The following LCOR variants were observed in gnomAD, a reference collection of about 807,000 sequenced individuals.
LCOR encodes ligand dependent nuclear receptor corepressor, also known as ligand-dependent corepressor.
A neutral mutation model predicts 64.4 loss-of-function variants in LCOR; 14 were observed. The ratio of observed to expected loss-of-function variants is 0.22; its 90% CI spans 0.14 to 0.34. The LOEUF (loss-of-function observed/expected upper bound fraction) is 0.34, where lower values mean the gene tolerates loss of function less well. Ranked by LOEUF, LCOR falls within the 10% of genes least tolerant of loss-of-function variation. The pLI, the probability that LCOR is intolerant of heterozygous loss-of-function variation, is 1.00. For synonymous variants in LCOR, 643 were observed against 642.5 expected (o/e 1.00, Z -0.01); for missense variants, 1,686 against 1,765.3 (o/e 0.96, Z 0.80).
chr10:96,955,243 A>T (rs1847749471), intron 7 of LCOR: 6 of 1,614,202 alleles, frequency 3.7e-6, no homozygotes, highest in Non-Finnish European at 5.1e-6. Context: ...AGCCGTATGA[A>T]GTTCAGGGGA....
intron 4 of LCOR, among the ~76,000 whole-genome samples, chr10:96,910,618 C>T (rs1198449017): frequency 6.6e-6 from 1 of 152,006 alleles, no homozygotes; most frequent in African/African-American, 2.4e-5. Context: ...GTATTATATC[C>T]GTTGGACTGA....
At chr10:96,935,414 A>G (rs1456651793) in intron 4 of LCOR, among the ~76,000 whole-genome samples, 1 of 151,674 alleles carries the variant, frequency 6.6e-6, no homozygotes, top group Non-Finnish European at 1.5e-5. Context: ...CTCCCAAAGT[A>G]CTGGAATTAT....
rs778403438 is a variant in LCOR at position 96,982,351 on chromosome 10, G to A, written c.1891G>A (p.Glu631Lys). 1 of 1,614,228 alleles carries A rather than the reference G, an allele frequency of 6.2e-7. No individual in the cohort carries two copies. Among genetic ancestry groups the A allele is most frequent in the South Asian group, 1.1e-5 (1 of 91,080 alleles). ...TCACCTTCCTGAAGAGGACCTGCCA[G>A]AAGGTGGCTCCACAGTCTCAGCTCC... The part of the protein sequence containing the change: ...PAHLPEEDLP[E>K]GGSTVSAPTA... The change falls in exon 8 of 8, where the codon GAA becomes AAA. Residue 631 changes from glutamate to lysine, a missense_variant. Physicochemically the swap from Glu to Lys is moderately conservative, Grantham distance 56. Coordinates refer to ENST00000421806, the MANE Select transcript of LCOR (RefSeq NM_001346516.2).
intron 2 of LCOR, among the ~76,000 whole-genome samples, chr10:96,857,068 AT>A (rs959226896): frequency 6.7e-6 from 1 of 149,074 alleles, no homozygotes; most frequent in African/African-American, 2.6e-5. Flanking sequence ...ATACTAAGAT[AT>A]TACTATAGAT....
At chr10:96,913,895 C>A in intron 4 of LCOR, among the ~76,000 whole-genome samples, 1 of 148,428 alleles carries the variant, frequency 6.7e-6, no homozygotes, top group South Asian at 2.1e-4. Context: ...CACACACAGA[C>A]TGTCTGGAAA....
In LCOR at chr10:96,983,629, G is replaced by C; in HGVS notation, c.3169G>C (p.Val1057Leu). The C allele has an allele frequency of 6.2e-7, 1 of 1,614,178 alleles. No individual in the cohort carries two copies. The highest frequency in any genetic ancestry group is 8.5e-7 in the Non-Finnish European group (1 of 1,180,032). ...TCTGGGCTCCTTGGATGCTTCAAAAGTGACTTCAGAAAAGGAAGCTGCACA... is the reference window on the plus strand; with the variant it reads ...TCTGGGCTCCTTGGATGCTTCAAAACTGACTTCAGAAAAGGAAGCTGCACA... ...HSLGSLDASK[V>L]TSEKEAAQVN... is the part of the protein sequence containing the mutation. The change falls in exon 8 of 8, where the codon GTG (valine) becomes CTG (leucine). Residue 1057 changes from valine (V) to leucine (L), a missense_variant. By Grantham distance (32) the Val-to-Leu change is conservative. Around this residue, in one of 3 missense-constraint regions of LCOR, gnomAD observed 1,293 missense variants for 1,410.4 expected, o/e 0.92. Coordinates refer to ENST00000421806, the MANE Select transcript of LCOR (RefSeq NM_001346516.2). This position sits in a 1 kb window ranked among gnomAD's most constrained non-coding sequence, Gnocchi z 4.5.
At chr10:96,890,331 A>G (rs991641407) in intron 2 of LCOR, among the ~76,000 whole-genome samples, 1 of 151,654 alleles carries the variant, frequency 6.6e-6, no homozygotes, top group Non-Finnish European at 1.5e-5. Flanking sequence ...CAATCTTCTC[A>G]CCTCTACTTC....
At chr10:96,913,430 C>T (rs1846881392) in intron 4 of LCOR, among the ~76,000 whole-genome samples, 1 of 152,160 alleles carries the variant, frequency 6.6e-6, no homozygotes, top group Admixed American at 6.5e-5. Flanking sequence ...AAACGGACTG[C>T]TTCAGTGATC....
At chr10:96,933,089 C>T (rs1388007329) in intron 4 of LCOR, among the ~76,000 whole-genome samples, 1 of 152,114 alleles carries the variant, frequency 6.6e-6, no homozygotes, top group Non-Finnish European at 1.5e-5. Context: ...GAAAGAAAAT[C>T]CTAATATTAA....
At chr10:96,958,022 A>T in intron 7 of LCOR, 2 of 1,007,804 alleles carry the variant, frequency 2.0e-6, no homozygotes, top group South Asian at 9.3e-5. Context: ...GAAATCATAG[A>T]AAGTTTGCTG....
intron 4 of LCOR, among the ~76,000 whole-genome samples, chr10:96,911,291 T>A (rs1416500988): frequency 6.6e-6 from 1 of 151,844 alleles, no homozygotes; most frequent in Non-Finnish European, 1.5e-5. Context: ...AGAGACAGGG[T>A]TTTACCGTGT....
At chr10:96,880,903 A>T (rs1271285330) in intron 2 of LCOR, among the ~76,000 whole-genome samples, 1 of 152,228 alleles carries the variant, frequency 6.6e-6, no homozygotes, top group East Asian at 1.9e-4. Context: ...AGTTTGAGTG[A>T]CTGTCAAGTC....
At chr10:96,909,467 G>C (rs760540148) in intron 4 of LCOR, among the ~76,000 whole-genome samples, 8 of 152,084 alleles carry the variant, frequency 5.3e-5, no homozygotes, top group Non-Finnish European at 8.8e-5. Context: ...CCAATTACTT[G>C]TCAGTTAATA....
At chr10:96,838,790 T>A (rs904247633) in intron 2 of LCOR, among the ~76,000 whole-genome samples, 1 of 152,234 alleles carries the variant, frequency 6.6e-6, no homozygotes, top group African/African-American at 2.4e-5. Flanking sequence ...CTCTGAATAT[T>A]TGTGTACAAG....
rs191892746 is a variant in LCOR at position 96,868,552 on chromosome 10, G to A, written c.-330+35073G>A. Reference sequence around the variant, plus strand: ...GCCTCCGAAAGTGCTGGGATTACAGGCGTGAGCCACTCTTCCTGGTCGGAG... The same window carrying A: ...GCCTCCGAAAGTGCTGGGATTACAGACGTGAGCCACTCTTCCTGGTCGGAG... On this transcript the variant is annotated intron_variant, in intron 2 of 7. Transcript: ENST00000421806. 1.4e-3 allele frequency among the ~76,000 whole-genome samples: 208 copies of A among 152,236 alleles called. 2 individuals carry two copies. The highest frequency in any genetic ancestry group is 4.6e-3 in the African/African-American group (191 of 41,534).
intron 4 of LCOR, chr10:96,915,716 C>G (rs1846929869): frequency 1.4e-6 from 1 of 702,490 alleles, no homozygotes. Context: ...CACCTCCTTG[C>G]CAGCATCAGC....
At chr10:96,902,308 G>C (rs1413206761) in intron 2 of LCOR, among the ~76,000 whole-genome samples, 2 of 152,054 alleles carry the variant, frequency 1.3e-5, no homozygotes, top group Non-Finnish European at 2.9e-5. Context: ...TCTTGTGCTG[G>C]GTAATTCTGA....
At chr10:96,846,462 G>C (rs944707575) in intron 2 of LCOR, among the ~76,000 whole-genome samples, 1 of 151,906 alleles carries the variant, frequency 6.6e-6, no homozygotes, top group Non-Finnish European at 1.5e-5. Flanking sequence ...ATGTTGCCCA[G>C]GCTAGTCTTA....
intron 2 of LCOR, among the ~76,000 whole-genome samples, chr10:96,885,064 C>A (rs527956178): frequency 6.6e-6 from 1 of 152,216 alleles, no homozygotes; most frequent in South Asian, 2.1e-4. Flanking sequence ...ATAGTTTGGT[C>A]CCACCAATAA....
Sources: gnomAD v4.1 joint callset for allele counts (sites outside exome capture counted in the v4.1 genomes callset) on GRCh38, gnomAD v4.1.1 for gene constraint, gnomAD v4.1.1 regional missense constraint, Gnocchi (gnomAD v3.1) non-coding constraint, MANE v1.5 for transcripts, NCBI Gene and HGNC (gene_info 2026-07-23, HGNC 2026-07-21) for gene names.